SHQ1: variants seen among roughly 807,000 people sequenced by gnomAD.
SHQ1 encodes the protein SHQ1, H/ACA ribonucleoprotein assembly factor.
In SHQ1, 49 loss-of-function variants were observed where a neutral mutation model predicts 53.8. The observed-to-expected ratio is 0.91, with a 90% confidence interval of 0.72 to 1.16. The LOEUF (loss-of-function observed/expected upper bound fraction) is 1.16. SHQ1 is among the 50% of genes most tolerant of loss of function. SHQ1 has a pLI of 0.00. For synonymous variants in SHQ1, 243 were observed against 251.0 expected (o/e 0.97, Z 0.30); for missense variants, 738 against 683.1 (o/e 1.08, Z -0.90).
the SHQ1 span, among the ~76,000 whole-genome samples, chr3:72,732,641 A>T: frequency 6.6e-6 from 1 of 151,528 alleles, no homozygotes; most frequent in Non-Finnish European, 1.5e-5. Context: ...AACATTATGT[A>T]GACACAGTGG....
At chr3:72,778,034 G>A (rs946618695) in intron 10 of SHQ1, among the ~76,000 whole-genome samples, 2 of 152,240 alleles carry the variant, frequency 1.3e-5, no homozygotes, top group South Asian at 4.1e-4. Flanking sequence ...TGCACAAATG[G>A]TAAAACTATA....
chr3:72,831,847 A>C (rs1463905), intron 5 of SHQ1, among the ~76,000 whole-genome samples: 7,088 of 152,320 alleles, frequency 0.047, 466 homozygotes, highest in African/African-American at 0.15. Flanking sequence ...ATAATACAGC[A>C]AAACTTCAAA....
At chr3:72,759,229 A>T (rs1370498652) in intron 10 of SHQ1, among the ~76,000 whole-genome samples, 1 of 152,224 alleles carries the variant, frequency 6.6e-6, no homozygotes, top group African/African-American at 2.4e-5. Context: ...CTGCAAGGAC[A>T]TGAAGTTTGG....
At position 72,750,557 on chromosome 3, in the gene SHQ1, T is replaced by A. The variant is rs1224737294; in HGVS notation, c.1461A>T (p.Thr487=). Residue 487 remains threonine (T), a synonymous_variant, in exon 11 of 11, where the codon ACA becomes ACT. Coordinates refer to ENST00000325599, the MANE Select transcript of SHQ1 (RefSeq NM_018130.3). ...QDELKDSPSE[T]VSSLQGPFLE... Reference sequence around the variant, plus strand: ...GAAAGGGACCTTGCAAAGAACTGACTGTCTCAGATGGACTATCTTTGAGTT... The same window carrying A: ...GAAAGGGACCTTGCAAAGAACTGACAGTCTCAGATGGACTATCTTTGAGTT... The A allele has an allele frequency of 6.2e-7, 1 of 1,614,118 alleles. No individual in the cohort carries two copies.
At chr3:72,759,547 C>T (rs572107188) in intron 10 of SHQ1, among the ~76,000 whole-genome samples, 33 of 151,884 alleles carry the variant, frequency 2.2e-4, no homozygotes, top group African/African-American at 7.3e-4. Flanking sequence ...AAAAATTAGC[C>T]GGGTGTGGTA....
At chr3:72,729,133 A>T in the SHQ1 span, among the ~76,000 whole-genome samples, 1 of 152,198 alleles carries the variant, frequency 6.6e-6, no homozygotes, top group Non-Finnish European at 1.5e-5. Flanking sequence ...AGAGATTCCA[A>T]TGCCAGGGGA....
intron 7 of SHQ1, 134 bp from the exon 8 acceptor site, chr3:72,815,537 A>G: frequency 1.7e-6 from 1 of 601,402 alleles, no homozygotes; most frequent in Non-Finnish European, 2.9e-6. Flanking sequence ...TCACGACTAT[A>G]GAAAAATAAT....
At chr3:72,823,152 A>G (rs2106894320) in intron 6 of SHQ1, among the ~76,000 whole-genome samples, 1 of 151,220 alleles carries the variant, frequency 6.6e-6, no homozygotes, top group Admixed American at 6.6e-5. Flanking sequence ...CCGTCTCAAA[A>G]AAAAAAAAAA....
At chr3:72,748,350 A>G (rs377169505), downstream of SHQ1, among the ~76,000 whole-genome samples, 29,952 of 140,810 alleles carry the variant, frequency 0.21, 3,984 homozygotes, top group Non-Finnish European at 0.25. Context: ...AAAAAAAAAA[A>G]AAAAAAAAAA....
chr3:72,753,307 T>C, intron 10 of SHQ1: 1 of 985,430 alleles, frequency 1.0e-6, no homozygotes, highest in African/African-American at 1.7e-5. Flanking sequence ...AAAAGTATAG[T>C]CCATCCCATA....
intron 5 of SHQ1, among the ~76,000 whole-genome samples, chr3:72,825,361 TACACACACACACACACACACACAC>T (rs61048915): frequency 7.0e-6 from 1 of 141,874 alleles, no homozygotes; most frequent in Non-Finnish European, 1.6e-5. Flanking sequence ...TAAAAGGGGC[TACACACACACACACACACACACAC>T]ACACACACAC....
chr3:72,797,730 C>T (rs1706670464), intron 9 of SHQ1, among the ~76,000 whole-genome samples: 1 of 152,218 alleles, frequency 6.6e-6, no homozygotes, highest in Admixed American at 6.5e-5. Context: ...AACCAGGCTA[C>T]TTGCAGTTGA....
the SHQ1 span, among the ~76,000 whole-genome samples, chr3:72,731,403 G>A: frequency 3.9e-4 from 59 of 151,614 alleles, 1 homozygote; most frequent in South Asian, 7.5e-3. Context: ...TCCTCAGTTT[G>A]GGCTGGGCGC....
intron 4 of SHQ1, among the ~76,000 whole-genome samples, chr3:72,833,659 A>G (rs1707908326): frequency 6.6e-6 from 1 of 152,212 alleles, no homozygotes; most frequent in African/African-American, 2.4e-5. Flanking sequence ...TTTTCCTGTC[A>G]TTGCCTTTGC....
chr3:72,744,238 A>G, the SHQ1 span, among the ~76,000 whole-genome samples: 2 of 152,170 alleles, frequency 1.3e-5, no homozygotes, highest in Admixed American at 6.5e-5. Flanking sequence ...CTCCAATAAG[A>G]GCAGTCAGGA....
At chr3:72,749,108 G>A (rs752983232), downstream of SHQ1, among the ~76,000 whole-genome samples, 1 of 152,180 alleles carries the variant, frequency 6.6e-6, no homozygotes, top group Non-Finnish European at 1.5e-5. Flanking sequence ...GTGGAAGACT[G>A]GAACTCGCAT....
chr3:72,846,436 C>T, intron 1 of SHQ1: 1 of 769,102 alleles, frequency 1.3e-6, no homozygotes, highest in Non-Finnish European at 2.0e-6. Context: ...GCTAGGACTA[C>T]AAGCGCGTGC....
chr3:72,817,403 A>G lies in SHQ1; in HGVS notation c.728-19T>C. Reference sequence around the variant, plus strand: ...AAAGACACTAGAAGAAAACGCATTTAAAAACTAGATGTTTCATTCAGTTTT... The same window carrying G: ...AAAGACACTAGAAGAAAACGCATTTGAAAACTAGATGTTTCATTCAGTTTT... On this transcript the variant is annotated intron_variant, in intron 6 of 10. Transcript: ENST00000325599. 6.3e-7 allele frequency: 1 copy of G among 1,593,426 alleles called. No individual in the cohort carries two copies.
intron 10 of SHQ1, among the ~76,000 whole-genome samples, chr3:72,777,758 T>A (rs939781989): frequency 3.9e-5 from 6 of 152,208 alleles, no homozygotes; most frequent in African/African-American, 1.4e-4. Flanking sequence ...TATAGTGATA[T>A]CTGCAGCAGC....
Sources: gnomAD v4.1 joint callset for allele counts (sites outside exome capture counted in the v4.1 genomes callset) on GRCh38, gnomAD v4.1.1 for gene constraint, MANE v1.5 for transcripts, NCBI Gene and HGNC (gene_info 2026-07-23, HGNC 2026-07-21) for gene names.